Variants in IQCE observed in about 807,000 individuals in gnomAD.
IQCE encodes IQ motif containing E.
IQCE carries 115 observed loss-of-function variants against 96.0 expected under a neutral mutation model. The ratio of observed to expected loss-of-function variants is 1.20; its 90% CI spans 1.03 to 1.40. The LOEUF is 1.40. IQCE is among the 40% of genes most tolerant of loss of function. The pLI, the probability that IQCE is intolerant of heterozygous loss-of-function variation, is 0.00. For missense variants in IQCE, 1,041 were observed against 909.1 expected, an observed-to-expected ratio of 1.15 and a Z score of -1.87; for synonymous variants, 412 against 371.2, an observed-to-expected ratio of 1.11 and a Z score of -1.26.
At chr7:2,569,638 A>C (rs1781618067) in intron 3 of IQCE, among the ~76,000 whole-genome samples, 1 of 152,138 alleles carries the variant, frequency 6.6e-6, no homozygotes, top group African/African-American at 2.4e-5. Context: ...CCTTGTGCGT[A>C]CGAATGTGTT....
At chr7:2,600,509 G>A (rs542120630) in intron 17 of IQCE, among the ~76,000 whole-genome samples, 3 of 152,180 alleles carry the variant, frequency 2.0e-5, no homozygotes, top group Non-Finnish European at 2.9e-5. Context: ...AGCTGTCTCC[G>A]TCTGAAAAGC....
Position 2,559,001 on chromosome 7 carries a change from G to C in IQCE, c.-181G>C, listed in dbSNP as rs1249816274. 1 of 340,584 alleles carries C rather than the reference G, an allele frequency of 2.9e-6. No individual in the cohort carries two copies. 21.1% of individuals were successfully genotyped at this position (340,584 alleles called of 1,614,324 possible). ...TCTGCGCACGCGCATGGTCGCCCCA[G>C]GGGGAACGCAGGTCGCTTACCCGGC... On this transcript the variant is annotated 5_prime_UTR_variant, in exon 1 of 22. Coordinates refer to ENST00000402050, the MANE Select transcript of IQCE (RefSeq NM_152558.5).
rs547114342 is a variant in IQCE, at chr7:2,586,278, C to T, written c.895C>T (p.Arg299Trp). 29 of 1,609,174 alleles carry T rather than the reference C, an allele frequency of 1.8e-5. No individual in the cohort carries two copies. The highest frequency in any genetic ancestry group is 2.2e-5 in the East Asian group (1 of 44,898). ...KMGSALLSLS[R>W]SVQELTEENQ... is the part of the protein sequence containing the mutation. Reference sequence around the variant, plus strand: ...GGGCAGTGCCCTCCTGAGCTTGTCCCGGAGTGTCCAGGAGCTCACGGAAGA... The same window carrying T: ...GGGCAGTGCCCTCCTGAGCTTGTCCTGGAGTGTCCAGGAGCTCACGGAAGA... The change falls in exon 12 of 22, where the codon CGG (arginine) becomes TGG (tryptophan). Residue 299 changes from arginine (R) to tryptophan (W), a missense_variant. By Grantham distance (101) the Arg-to-Trp change is moderately radical. Coordinates refer to ENST00000402050, the MANE Select transcript of IQCE (RefSeq NM_152558.5).
intron 16 of IQCE, chr7:2,596,845 C>A (rs934879919): frequency 4.2e-5 from 17 of 406,788 alleles, no homozygotes; most frequent in Non-Finnish European, 8.3e-5. Context: ...GTTACAAAAT[C>A]AGAATGTGGA....
rs767108535 is a variant in IQCE, at chr7:2,607,352, G to T, written c.1969+125G>T. 9 of 1,456,242 alleles carry T rather than the reference G, an allele frequency of 6.2e-6. No individual in the cohort carries two copies. The Admixed American group carries it at 2.3e-4, about 38-fold the overall frequency. 90.2% of individuals were successfully genotyped at this position (1,456,242 alleles called of 1,614,324 possible). The stretch of plus-strand genomic sequence containing the variant: ...GGAAGGGAGGAGTGTCCCATCTGGA[G>T]CTGCCTCTGAACTAAGCGTCGCCTT... On this transcript the variant is annotated intron_variant, in intron 21 of 21. Transcript: ENST00000402050.
intron 1 of IQCE, chr7:2,566,429 A>C (rs1020439438): frequency 6.9e-6 from 1 of 145,332 alleles, no homozygotes; most frequent in Non-Finnish European, 1.5e-5. Flanking sequence ...ATTGTAATGC[A>C]TATGTTTTGG....
intron 16 of IQCE, among the ~76,000 whole-genome samples, chr7:2,597,489 G>T (rs776665254): frequency 6.6e-6 from 1 of 152,232 alleles, no homozygotes; most frequent in Non-Finnish European, 1.5e-5. Flanking sequence ...GGCCACCTGC[G>T]CCTGGCGCCT....
At chr7:2,605,416 C>T (rs193106060) in intron 19 of IQCE, among the ~76,000 whole-genome samples, 359 of 152,092 alleles carry the variant, frequency 2.4e-3, no homozygotes, top group Non-Finnish European at 3.9e-3. Flanking sequence ...GTCAGGAGAT[C>T]GAGACCATCC....
chr7:2,591,887 GCT>G, intron 14 of IQCE, among the ~76,000 whole-genome samples: 1 of 151,948 alleles, frequency 6.6e-6, no homozygotes, highest in Non-Finnish European at 1.5e-5. Flanking sequence ...CTCCCAAAGT[GCT>G]GGGATTACAG....
chr7:2,599,087 A>ATCGGAGAACTGGGG (rs1360835127), intron 17 of IQCE, among the ~76,000 whole-genome samples: 1 of 152,076 alleles, frequency 6.6e-6, no homozygotes, highest in Non-Finnish European at 1.5e-5. Context: ...GGCGGTTCTC[A>ATCGGAGAACTGGGG]GTCCACATCC....
At chr7:2,606,805 G>A (rs1362796859) in intron 20 of IQCE, among the ~76,000 whole-genome samples, 1 of 152,200 alleles carries the variant, frequency 6.6e-6, no homozygotes, top group Non-Finnish European at 1.5e-5. Flanking sequence ...ATGTCCCCGG[G>A]GAATGGCAGC....
intron 19 of IQCE, among the ~76,000 whole-genome samples, chr7:2,605,266 A>C (rs1784718772): frequency 6.6e-6 from 1 of 152,196 alleles, no homozygotes; most frequent in South Asian, 2.1e-4. Context: ...AAAACTACTA[A>C]AGACAGATGC....
chr7:2,596,352 A>G (rs1040346893), intron 16 of IQCE, among the ~76,000 whole-genome samples: 6 of 152,134 alleles, frequency 3.9e-5, no homozygotes, highest in Non-Finnish European at 8.8e-5. Flanking sequence ...AAAGTGTCTG[A>G]AAACACTATT....
intron 7 of IQCE, 22 bp downstream of exon 7, chr7:2,578,377 G>A (rs1562638005): frequency 6.2e-7 from 1 of 1,612,768 alleles, no homozygotes; most frequent in Non-Finnish European, 8.5e-7. Flanking sequence ...GCGCTTCACG[G>A]ACGGGGCAAG....
In IQCE at chr7:2,604,143, A is replaced by C. The variant is rs576027236; in HGVS notation, c.1633-738A>C. Among the ~76,000 whole-genome samples the C allele has an allele frequency of 4.7e-5, 7 of 150,526 alleles. No individual in the cohort carries two copies. In the South Asian group the frequency reaches 1.5e-3, roughly 32 times the overall value. The stretch of plus-strand genomic sequence containing the variant: ...AGCTGGGACTACAGGCATGCGCGCC[A>C]CGTCTGGCTAATTTTTGTATTTTTA... On this transcript the variant is annotated intron_variant, in intron 18 of 21. Transcript: ENST00000402050.
intron 2 of IQCE, 105 bp from the exon 3 acceptor site, chr7:2,568,849 T>C (rs1781564217): frequency 1.9e-6 from 2 of 1,040,774 alleles, no homozygotes; most frequent in Admixed American, 1.8e-5. Flanking sequence ...TCACGTCCTC[T>C]TGCTGCTCTT....
chr7:2,609,470 A>G (rs551092157), intron 21 of IQCE, among the ~76,000 whole-genome samples: 19 of 152,026 alleles, frequency 1.2e-4, no homozygotes, highest in Middle Eastern at 3.2e-3. Flanking sequence ...ACGGGTAGCC[A>G]CCCACCCAGG....
chr7:2,568,822 C>T (rs944733040), intron 2 of IQCE, 132 bp from the exon 3 acceptor site: 1 of 785,362 alleles, frequency 1.3e-6, no homozygotes, highest in Non-Finnish European at 2.1e-6. Flanking sequence ...CTGGACCCTC[C>T]TTACGTCCCC....
intron 4 of IQCE, 51 bp downstream of exon 4, chr7:2,571,705 GA>G: frequency 6.4e-7 from 1 of 1,559,044 alleles, no homozygotes; most frequent in Non-Finnish European, 8.7e-7. Context: ...AAGAGTTCGA[GA>G]AATTTCAGGG....
Sources: allele counts gnomAD v4.1 joint callset (sites outside exome capture counted in the v4.1 genomes callset), GRCh38; gene constraint gnomAD v4.1.1; transcripts MANE v1.5; gene names NCBI Gene and HGNC (gene_info 2026-07-23, HGNC 2026-07-21).